BTC: variants seen among roughly 807,000 people sequenced by gnomAD.
BTC encodes the protein probetacellulin.
In BTC, 13 loss-of-function variants were observed where a neutral mutation model predicts 18.1. That is an observed-to-expected ratio of 0.72 (90% CI 0.47 to 1.14). BTC has a LOEUF of 1.14. BTC is among the 50% of genes most tolerant of loss of function. The probability of loss-of-function intolerance (pLI) is 0.00; values close to 1 mark genes in which losing one functional copy is unlikely to be tolerated. For missense variants in BTC, 247 were observed against 224.2 expected, an observed-to-expected ratio of 1.10 and a Z score of -0.65; for synonymous variants, 83 against 79.4, an observed-to-expected ratio of 1.05 and a Z score of -0.24.
intron 1 of BTC, among the ~76,000 whole-genome samples, chr4:74,779,031 A>G (rs1292536062): frequency 6.6e-6 from 1 of 152,182 alleles, no homozygotes; most frequent in Non-Finnish European, 1.5e-5. Context: ...CATGGGAAGC[A>G]GAGACAGGAG....
chr4:74,792,975 T>C (rs1725673905), intron 1 of BTC, among the ~76,000 whole-genome samples: 1 of 152,234 alleles, frequency 6.6e-6, no homozygotes. Context: ...CCTCCATTGC[T>C]ACATACCTCA....
intron 1 of BTC, among the ~76,000 whole-genome samples, chr4:74,784,463 T>A (rs747602648): frequency 6.6e-6 from 1 of 152,110 alleles, no homozygotes; most frequent in Non-Finnish European, 1.5e-5. Flanking sequence ...AATACTATGT[T>A]GAGTAGGAGT....
chr4:74,754,396 C>T (rs1233682473), intron 3 of BTC, among the ~76,000 whole-genome samples: 2 of 152,130 alleles, frequency 1.3e-5, no homozygotes, highest in Non-Finnish European at 2.9e-5. Context: ...AAAGAAACCA[C>T]CAGTTATGCT....
At chr4:74,768,531 C>G (rs555511117) in intron 2 of BTC, among the ~76,000 whole-genome samples, 2 of 152,224 alleles carry the variant, frequency 1.3e-5, no homozygotes, top group African/African-American at 4.8e-5. Context: ...ATGAATGCCT[C>G]TACTTATATG....
At chr4:74,755,369 G>T (rs73825033) in intron 3 of BTC, among the ~76,000 whole-genome samples, 4,748 of 152,258 alleles carry the variant, frequency 0.031, 228 homozygotes, top group African/African-American at 0.11. Flanking sequence ...GAGTTGAAAA[G>T]AAAACTTTTC....
At chr4:74,792,729 G>C (rs1725666809) in intron 1 of BTC, among the ~76,000 whole-genome samples, 1 of 151,986 alleles carries the variant, frequency 6.6e-6, no homozygotes, top group Non-Finnish European at 1.5e-5. Context: ...CCTTGTCTCT[G>C]TTCCCTCTTT....
rs543315541 is a variant in BTC at position 74,793,887 on chromosome 4, C to T, written c.64+375G>A. On this transcript the variant is annotated intron_variant, in intron 1 of 5. Transcript: ENST00000395743. ...GTTTCCCTGCTCGCCCCTGCCCCCA[C>T]CCCCCGACCCTCACTTGCGAGCACA... Among the ~76,000 whole-genome samples, 306 of 151,828 alleles carry T rather than the reference C, an allele frequency of 2.0e-3. 1 individual carries two copies. The highest frequency in any genetic ancestry group is 3.6e-3 in the Non-Finnish European group (246 of 67,894).
At chr4:74,766,475 A>T (rs1724905955) in intron 2 of BTC, among the ~76,000 whole-genome samples, 1 of 152,092 alleles carries the variant, frequency 6.6e-6, no homozygotes, top group Non-Finnish European at 1.5e-5. Flanking sequence ...CACAGAAATA[A>T]AAAGGATTAT....
chr4:74,782,700 A>T (rs140119828), intron 1 of BTC, among the ~76,000 whole-genome samples: 105 of 152,312 alleles, frequency 6.9e-4, no homozygotes, highest in African/African-American at 2.3e-3. Flanking sequence ...TGGTTAAACC[A>T]GTTTACACCC....
intron 4 of BTC, among the ~76,000 whole-genome samples, chr4:74,749,712 T>C (rs1207240956): frequency 7.8e-6 from 1 of 128,088 alleles, no homozygotes; most frequent in African/African-American, 3.0e-5. Context: ...TGTTGTTGTT[T>C]TTGGTAGCAT....
intron 1 of BTC, among the ~76,000 whole-genome samples, chr4:74,786,635 A>G (rs1325451550): frequency 6.6e-6 from 1 of 152,192 alleles, no homozygotes; most frequent in Non-Finnish European, 1.5e-5. Flanking sequence ...AAGAGAGAAA[A>G]TCATCTGACA....
intron 2 of BTC, among the ~76,000 whole-genome samples, chr4:74,765,455 G>T (rs1724876051): frequency 6.6e-6 from 1 of 151,956 alleles, no homozygotes; most frequent in Non-Finnish European, 1.5e-5. Context: ...AGAATAAAAA[G>T]AATTTTAGCA....
chr4:74,779,425 C>T (rs1485765992), intron 1 of BTC, among the ~76,000 whole-genome samples: 1 of 152,090 alleles, frequency 6.6e-6, no homozygotes, highest in Admixed American at 6.6e-5. Flanking sequence ...TAATCTGAAG[C>T]TAGTTTCTCA....
At chr4:74,756,619 A>G (rs1304042678) in intron 2 of BTC, among the ~76,000 whole-genome samples, 1 of 152,180 alleles carries the variant, frequency 6.6e-6, no homozygotes, top group Non-Finnish European at 1.5e-5. Flanking sequence ...ACACTCTGGC[A>G]TTTGTTGAGC....
intron 1 of BTC, among the ~76,000 whole-genome samples, chr4:74,779,683 CTGACCCA>C (rs1299576887): frequency 6.6e-6 from 1 of 152,062 alleles, no homozygotes; most frequent in Non-Finnish European, 1.5e-5. Flanking sequence ...AACATGGTCT[CTGACCCA>C]TGAGGAAACA....
In BTC at chr4:74,782,624, G is replaced by A. The variant is rs575543751; in HGVS notation, c.64+11638C>T. On this transcript the variant is annotated intron_variant, in intron 1 of 5. Transcript: ENST00000395743. ...TCCTTTGGTATATGCCCAGTAATGG[G>A]ATTACTGGGTTAAATGGTAGTTCTG... Among the ~76,000 whole-genome samples, 3 of 152,100 alleles carry A rather than the reference G, an allele frequency of 2.0e-5. No individual in the cohort carries two copies. In the South Asian group the frequency reaches 6.2e-4, roughly 32 times the overall value.
At chr4:74,789,280 T>C (rs572119519) in intron 1 of BTC, among the ~76,000 whole-genome samples, 1 of 152,364 alleles carries the variant, frequency 6.6e-6, no homozygotes, top group East Asian at 1.9e-4. Flanking sequence ...TAGTGGTGAC[T>C]ATTATGGCAG....
At chr4:74,757,112 T>C (rs1463737946) in intron 2 of BTC, among the ~76,000 whole-genome samples, 2 of 152,168 alleles carry the variant, frequency 1.3e-5, no homozygotes, top group African/African-American at 4.8e-5. Context: ...CCATGGTGTG[T>C]TCATGTCAGA....
At chr4:74,750,833 T>A in intron 3 of BTC, 114 bp from the exon 4 acceptor site, 1 of 1,392,674 alleles carries the variant, frequency 7.2e-7, no homozygotes, top group East Asian at 2.3e-5. Flanking sequence ...AAGAACACAG[T>A]TCCCTTTTTA....
Sources: allele counts gnomAD v4.1 joint callset (sites outside exome capture counted in the v4.1 genomes callset), GRCh38; gene constraint gnomAD v4.1.1; transcripts MANE v1.5; gene names NCBI Gene and HGNC (gene_info 2026-07-23, HGNC 2026-07-21).